Variants in RBFOX2 observed in about 807,000 individuals in gnomAD.
RBFOX2 encodes the protein RNA binding protein fox-1 homolog 2.
In RBFOX2, 10 loss-of-function variants were observed where a neutral mutation model predicts 49.1. That is an observed-to-expected ratio of 0.20 (90% CI 0.13 to 0.35). RBFOX2 has a LOEUF of 0.35. Among genes scored for constraint, RBFOX2 ranks in the 10% least tolerant of loss-of-function variants. The pLI, the probability that RBFOX2 is intolerant of heterozygous loss-of-function variation, is 1.00. For missense variants in RBFOX2, 323 were observed against 486.9 expected (o/e 0.66, Z 3.17); for synonymous variants, 183 against 187.4 (o/e 0.98, Z 0.19).
At chr22:35,909,868 C>T (rs1430405761) in intron 1 of RBFOX2, among the ~76,000 whole-genome samples, 1 of 152,208 alleles carries the variant, frequency 6.6e-6, no homozygotes, top group African/African-American at 2.4e-5. Context: ...CCACCTCGGC[C>T]TCCCAAAGTG....
chr22:36,012,036 T>C lies in RBFOX2; in HGVS notation c.186+16204A>G, dbSNP rs372091663. Among the ~76,000 whole-genome samples the C allele has an allele frequency of 3.7e-4, 57 of 152,334 alleles. No individual in the cohort carries two copies. The East Asian group carries it at 0.01, about 27-fold the overall frequency. On this transcript the variant is annotated intron_variant, in intron 1 of 13. Transcript: ENST00000438146. ...CTACCCACCATTATCAATCCACTGA[T>C]TGATCTGTTGTTGATCTAAATTAGA... is the stretch of plus-strand genomic sequence containing the variant.
At chr22:35,812,753 G>T (rs1053461750) in intron 1 of RBFOX2, among the ~76,000 whole-genome samples, 2 of 152,180 alleles carry the variant, frequency 1.3e-5, no homozygotes, top group African/African-American at 4.8e-5. Context: ...CAAGGCCAAG[G>T]CGACTTTCTC....
intron 1 of RBFOX2, among the ~76,000 whole-genome samples, chr22:35,987,339 T>C (rs1005604533): frequency 6.6e-6 from 1 of 152,194 alleles, no homozygotes; most frequent in Non-Finnish European, 1.5e-5. Context: ...CTAAATATTA[T>C]ACTATTCTGA....
At chr22:35,965,337 C>T (rs2056494316), upstream of RBFOX2, among the ~76,000 whole-genome samples, 1 of 152,148 alleles carries the variant, frequency 6.6e-6, no homozygotes, top group African/African-American at 2.4e-5. Context: ...TTTAGATTTT[C>T]TACCTAACCC....
At chr22:36,022,116 C>T (rs544527582) in intron 1 of RBFOX2, among the ~76,000 whole-genome samples, 1 of 152,242 alleles carries the variant, frequency 6.6e-6, no homozygotes, top group Non-Finnish European at 1.5e-5. Context: ...TGTATATCAA[C>T]AAAAATTCAA....
At chr22:35,928,897 C>T (rs568513707) in intron 1 of RBFOX2, among the ~76,000 whole-genome samples, 51 of 152,178 alleles carry the variant, frequency 3.4e-4, no homozygotes, top group Non-Finnish European at 5.3e-4. Context: ...TATTACCATA[C>T]ACTCATTATA....
upstream of RBFOX2, among the ~76,000 whole-genome samples, chr22:35,964,197 C>T (rs1368897921): frequency 6.6e-6 from 1 of 152,046 alleles, no homozygotes; most frequent in East Asian, 1.9e-4. Context: ...TGCATTTTTC[C>T]ACTTAGCTTC....
intron 2 of RBFOX2, among the ~76,000 whole-genome samples, chr22:35,800,802 G>T (rs1270831279): frequency 6.6e-6 from 1 of 151,958 alleles, no homozygotes; most frequent in African/African-American, 2.4e-5. Context: ...TTCTTTAAAA[G>T]TTTAAAACTT....
In RBFOX2 at chr22:35,839,742, G is replaced by C. The variant is rs117445383; in HGVS notation, c.27+450C>G. Among the ~76,000 whole-genome samples the C allele has an allele frequency of 6.1e-3, 931 of 152,248 alleles. 6 individuals carry two copies. The highest frequency in any genetic ancestry group is 9.9e-3 in the Non-Finnish European group (674 of 68,010). On this transcript the variant is annotated intron_variant, in intron 1 of 11. Transcript: ENST00000405409. ...GTAACAGCAAAACTACAATTCCATAGCCAATCCTGAGAAACCAAAGTGAAC... is the reference window on the plus strand; with the variant it reads ...GTAACAGCAAAACTACAATTCCATACCCAATCCTGAGAAACCAAAGTGAAC...
At chr22:35,872,258 T>C (rs1005674455) in intron 1 of RBFOX2, among the ~76,000 whole-genome samples, 24 of 152,084 alleles carry the variant, frequency 1.6e-4, no homozygotes, top group Non-Finnish European at 1.2e-4. Context: ...TCTAGGGGAG[T>C]ATATAGACGG....
chr22:35,888,024 C>CTAAACTGTGTATATAGGATCTACTA (rs2046803789), intron 1 of RBFOX2, among the ~76,000 whole-genome samples: 1 of 152,110 alleles, frequency 6.6e-6, no homozygotes, highest in African/African-American at 2.4e-5. Flanking sequence ...AGTTTAGATC[C>CTAAACTGTGTATATAGGATCTACTA]TATGGCCTCA....
chr22:35,901,688 T>C (rs1478030149), intron 1 of RBFOX2, among the ~76,000 whole-genome samples: 1 of 152,138 alleles, frequency 6.6e-6, no homozygotes, highest in Non-Finnish European at 1.5e-5. Flanking sequence ...AAGCGGTCCA[T>C]CTCAAAGCTA....
intron 1 of RBFOX2, among the ~76,000 whole-genome samples, chr22:35,985,953 TAG>T (rs1275390220): frequency 1.4e-5 from 2 of 142,972 alleles, no homozygotes; most frequent in Admixed American, 1.4e-4. Context: ...GATAGATAGA[TAG>T]AGTCTTCCTC....
rs3075246 is a variant in RBFOX2 at position 35,985,902 on chromosome 22, GGATAGATAGATAGATAGATAGATAGATA to G, written c.186+42310_186+42337del. ...TCTCTAGATAGATAGATAGATAGATGGATAGATAGATAGATAGATAGATAGATAGATAGATAGATAGATAGATAGATAG... is the reference window on the plus strand; with the variant it reads ...TCTCTAGATAGATAGATAGATAGATGGATAGATAGATAGATAGATAGATAG... On this transcript the variant is annotated intron_variant, in intron 1 of 13. Transcript: ENST00000438146. Among the ~76,000 whole-genome samples the G allele has an allele frequency of 4.9e-5, 7 of 144,074 alleles. No individual in the cohort carries two copies. The East Asian group carries it at 6.2e-4, about 13-fold the overall frequency. 94.5% of individuals were successfully genotyped at this position (144,074 alleles called of 152,430 possible). A position where few individuals can be genotyped will look rare whatever the true frequency, so the allele number is the denominator to read the frequency against.
chr22:35,944,716 G>A (rs1238563608), intron 1 of RBFOX2, among the ~76,000 whole-genome samples: 2 of 152,126 alleles, frequency 1.3e-5, no homozygotes. Flanking sequence ...TATCATTGCT[G>A]AGAGTTGGCT....
At chr22:35,971,735 A>G (rs1191291141) in intron 1 of RBFOX2, among the ~76,000 whole-genome samples, 1 of 152,066 alleles carries the variant, frequency 6.6e-6, no homozygotes, top group East Asian at 1.9e-4. Flanking sequence ...GAGCTCCAGC[A>G]GTAAGGGCTG....
intron 1 of RBFOX2, among the ~76,000 whole-genome samples, chr22:36,024,222 A>C (rs1284525260): frequency 6.6e-6 from 1 of 152,250 alleles, no homozygotes. Context: ...GCACTTACCA[A>C]GTACCCAAAA....
exon 12 of RBFOX2, chr22:35,742,331 G>A (rs1930373837): frequency 6.6e-6 from 1 of 152,518 alleles, no homozygotes; most frequent in South Asian, 2.1e-4. Flanking sequence ...GGATTCTGAA[G>A]GGGGAAAGGA....
intron 1 of RBFOX2, among the ~76,000 whole-genome samples, chr22:35,872,993 G>A (rs557958427): frequency 3.5e-4 from 54 of 152,174 alleles, no homozygotes; most frequent in African/African-American, 1.2e-3. Context: ...CAAATAGTCG[G>A]CATTCAAAAA....
Sources: allele counts gnomAD v4.1 joint callset (sites outside exome capture counted in the v4.1 genomes callset), GRCh38; gene constraint gnomAD v4.1.1; transcripts MANE v1.5; gene names NCBI Gene and HGNC (gene_info 2026-07-23, HGNC 2026-07-21).